Variants in EVC2 observed in about 807,000 individuals in gnomAD.
EVC2 encodes EvC ciliary complex subunit 2, also known as limbin.
A neutral mutation model predicts 149.3 loss-of-function variants in EVC2; 148 were observed. The observed-to-expected ratio is 0.99, with a 90% CI of 0.87 to 1.14. The LOEUF (loss-of-function observed/expected upper bound fraction) is 1.14. Ranked by LOEUF, EVC2 falls within the 50% of genes most tolerant of loss-of-function variation. The probability of loss-of-function intolerance (pLI) is 0.00; values close to 1 mark genes in which losing one functional copy is unlikely to be tolerated. For synonymous variants in EVC2, 776 were observed against 649.9 expected, an observed-to-expected ratio of 1.19 and a Z score of -2.95; for missense variants, 1,854 against 1,627.3, an observed-to-expected ratio of 1.14 and a Z score of -2.40.
At chr4:5,634,908 C>G (rs933575660) in intron 10 of EVC2, among the ~76,000 whole-genome samples, 5 of 152,112 alleles carry the variant, frequency 3.3e-5, no homozygotes, top group Non-Finnish European at 7.4e-5. Flanking sequence ...GCCTCCACCC[C>G]GTCCACCAAA....
chr4:5,692,220 G>C (rs937373076), intron 3 of EVC2, among the ~76,000 whole-genome samples: 7 of 152,092 alleles, frequency 4.6e-5, no homozygotes, highest in African/African-American at 1.7e-4. Flanking sequence ...TAGAGATGGG[G>C]CCTTGCTATG....
chr4:5,624,990 C>T (rs906322966), intron 13 of EVC2, among the ~76,000 whole-genome samples: 10 of 152,248 alleles, frequency 6.6e-5, no homozygotes, highest in Middle Eastern at 3.4e-3. Flanking sequence ...CATCCGCTCG[C>T]ACCCGGCCAA....
chr4:5,694,232 G>GT, intron 3 of EVC2, 103 bp downstream of exon 3: 4 of 1,241,320 alleles, frequency 3.2e-6, no homozygotes, highest in Middle Eastern at 2.8e-4. Flanking sequence ...GAGGAATAGG[G>GT]TTTTTTTAAG....
chr4:5,608,338 G>A (rs894261344), intron 16 of EVC2, among the ~76,000 whole-genome samples: 1 of 152,152 alleles, frequency 6.6e-6, no homozygotes, highest in Non-Finnish European at 1.5e-5. Flanking sequence ...GGGCCTCTTG[G>A]GCAGTGTCAG....
chr4:5,587,773 G>A (rs557919437), intron 16 of EVC2, among the ~76,000 whole-genome samples: 3 of 152,278 alleles, frequency 2.0e-5, no homozygotes, highest in East Asian at 3.9e-4. Flanking sequence ...GCAGGGGTAC[G>A]TGACTGGGGG....
rs112508625 is a variant in EVC2 at position 5,657,744 on chromosome 4, G to GAA, written c.1145+5361_1145+5362dup. ...AATACAACAACATTAATTTGAAAAA[G>GAA]AAAAAAAAAAAAGGTAGTTTCCGGC... On this transcript the variant is annotated intron_variant, in intron 9 of 21. Transcript: ENST00000344408. The surrounding 1 kb of genome is among the most constrained non-coding windows in gnomAD (Gnocchi z 4.7). 0.031 allele frequency among the ~76,000 whole-genome samples: 4,530 copies of GAA among 145,830 alleles called. 132 individuals are homozygous for GAA. Among genetic ancestry groups the GAA allele is most frequent in the African/African-American group, 0.078 (3,076 of 39,686 alleles).
intron 21 of EVC2, among the ~76,000 whole-genome samples, chr4:5,546,942 C>G (rs2108757465): frequency 6.6e-6 from 1 of 152,248 alleles, no homozygotes; most frequent in Admixed American, 6.5e-5. Flanking sequence ...CCACAGCTGC[C>G]CAAGTTGTGA....
intron 9 of EVC2, among the ~76,000 whole-genome samples, chr4:5,661,741 C>T (rs1718886143): frequency 6.6e-6 from 1 of 152,202 alleles, no homozygotes; most frequent in Admixed American, 6.5e-5. Flanking sequence ...TGTGTCCATC[C>T]AGGAGAAATC....
intron 12 of EVC2, 32 bp downstream of exon 12, chr4:5,628,527 G>A: frequency 3.1e-6 from 5 of 1,613,336 alleles, no homozygotes; most frequent in Non-Finnish European, 3.4e-6. Flanking sequence ...GACTAAGACA[G>A]TTCGCACTGT....
At chr4:5,573,462 G>A (rs1722749062) in intron 19 of EVC2, among the ~76,000 whole-genome samples, 1 of 152,178 alleles carries the variant, frequency 6.6e-6, no homozygotes, top group Admixed American at 6.5e-5. Context: ...AAGGAATGTA[G>A]GTGCCACTGG....
intron 16 of EVC2, among the ~76,000 whole-genome samples, chr4:5,609,150 C>T (rs6830783): frequency 0.44 from 67,440 of 151,800 alleles, 18,800 homozygotes; most frequent in African/African-American, 0.79. Flanking sequence ...GCCTCTATAA[C>T]TGCATGTTCC....
chr4:5,554,210 C>T (rs749831313), intron 21 of EVC2, among the ~76,000 whole-genome samples: 7 of 152,140 alleles, frequency 4.6e-5, no homozygotes, highest in African/African-American at 9.7e-5. Context: ...AGAACTGAGA[C>T]CACAAAGCCA....
intron 21 of EVC2, among the ~76,000 whole-genome samples, chr4:5,556,922 C>CTT (rs34137333): frequency 0.56 from 84,238 of 151,690 alleles, 24,653 homozygotes; most frequent in Non-Finnish European, 0.66. Context: ...ATTAAATAAA[C>CTT]AATCTATAAT....
At chr4:5,700,877 C>T (rs1407686301) in intron 1 of EVC2, among the ~76,000 whole-genome samples, 1 of 120,244 alleles carries the variant, frequency 8.3e-6, no homozygotes, top group East Asian at 1.9e-4. Context: ...ATCGCACACA[C>T]TTACCAGCAC....
At chr4:5,564,004 C>G (rs1455520902) in intron 21 of EVC2, among the ~76,000 whole-genome samples, 1 of 152,044 alleles carries the variant, frequency 6.6e-6, no homozygotes, top group African/African-American at 2.4e-5. Context: ...CACCAAGAGC[C>G]CTATACATCC....
At chr4:5,556,279 T>C (rs868503060) in intron 21 of EVC2, among the ~76,000 whole-genome samples, 10 of 132,052 alleles carry the variant, frequency 7.6e-5, no homozygotes, top group South Asian at 4.8e-4. Context: ...TAGAAATCAA[T>C]AAAGGGAAAT....
chr4:5,662,466 A>C (rs979390126), intron 9 of EVC2, among the ~76,000 whole-genome samples: 1 of 145,526 alleles, frequency 6.9e-6, no homozygotes, highest in African/African-American at 2.5e-5. Context: ...AATAATTATT[A>C]TTAATATAAT....
At chr4:5,594,007 G>A (rs1014000774) in intron 16 of EVC2, among the ~76,000 whole-genome samples, 17 of 152,300 alleles carry the variant, frequency 1.1e-4, no homozygotes, top group Admixed American at 2.0e-4. Context: ...AGGCGGCAGC[G>A]AGGCTGGGGG....
At chr4:5,656,689 G>C (rs1264384459) in intron 9 of EVC2, among the ~76,000 whole-genome samples, 5 of 152,166 alleles carry the variant, frequency 3.3e-5, no homozygotes, top group Admixed American at 3.3e-4. Flanking sequence ...GGAAGAGACA[G>C]GAACAACCCT....
Sources: allele counts gnomAD v4.1 joint callset (sites outside exome capture counted in the v4.1 genomes callset), GRCh38; gene constraint gnomAD v4.1.1; non-coding constraint Gnocchi (gnomAD v3.1); transcripts MANE v1.5; gene names NCBI Gene and HGNC (gene_info 2026-07-23, HGNC 2026-07-21).